PECR: variants seen among roughly 807,000 people sequenced by gnomAD.
PECR encodes the protein peroxisomal trans-2-enoyl-CoA reductase.
PECR carries 30 observed loss-of-function variants against 35.3 expected under a neutral mutation model. The observed-to-expected ratio is 0.85, with a 90% CI of 0.64 to 1.15. The LOEUF (loss-of-function observed/expected upper bound fraction) is 1.15. Among genes scored for constraint, PECR ranks in the 50% most tolerant of loss-of-function variants. The pLI is 0.00. For missense variants in PECR, 392 were observed against 370.8 expected, an observed-to-expected ratio of 1.06 and a Z score of -0.47; for synonymous variants, 148 against 138.9, an observed-to-expected ratio of 1.07 and a Z score of -0.46.
At chr2:216,032,766 T>C (rs1301291480) in intron 7 of PECR, 1 of 152,246 alleles carries the variant, frequency 6.6e-6, no homozygotes, top group Non-Finnish European at 1.5e-5. Flanking sequence ...GGCTCAATAA[T>C]TGCTAGTTTT....
intron 1 of PECR, among the ~76,000 whole-genome samples, chr2:216,072,583 C>T (rs894082446): frequency 4.6e-5 from 7 of 152,078 alleles, no homozygotes; most frequent in Non-Finnish European, 1.0e-4. Flanking sequence ...TCCATGTGTA[C>T]CCACTCTTTA....
At position 216,058,930 on chromosome 2, in the gene PECR, G is replaced by A. The variant is rs1457206220; in HGVS notation, c.471C>T (p.Ile157=). ...GAAATCCAGCTTTAGTAGGGACAAT[G>A]ATATTGACGATAGATCCTCCATGCT... ...MKEHGGSIVN[I]IVPTKAGFPL... The change falls in exon 4 of 8, where the codon ATC becomes ATT. Residue 157 remains isoleucine, a synonymous_variant. Coordinates refer to ENST00000265322, the MANE Select transcript of PECR (RefSeq NM_018441.6). 1 of 1,608,258 alleles carries A rather than the reference G, an allele frequency of 6.2e-7. No individual in the cohort carries two copies. The highest frequency in any genetic ancestry group is 2.2e-5 in the East Asian group (1 of 44,856).
chr2:216,069,751 C>T (rs531347590), intron 1 of PECR, among the ~76,000 whole-genome samples: 1 of 152,150 alleles, frequency 6.6e-6, no homozygotes, highest in Admixed American at 6.5e-5. Flanking sequence ...GCTTGACCAA[C>T]ATGGCAAAAC....
chr2:216,031,692 A>AAAGAAG (rs200296903), intron 7 of PECR, among the ~76,000 whole-genome samples: 1 of 19,180 alleles, frequency 5.2e-5, no homozygotes, highest in Non-Finnish European at 1.0e-4. Flanking sequence ...AGAAAGAAAG[A>AAAGAAG]GAAAGAAAGA....
At chr2:216,068,594 G>C (rs555248043) in intron 1 of PECR, among the ~76,000 whole-genome samples, 2 of 152,232 alleles carry the variant, frequency 1.3e-5, no homozygotes, top group East Asian at 3.9e-4. Flanking sequence ...AATGATGCCA[G>C]ATAAAAATCT....
intron 6 of PECR, among the ~76,000 whole-genome samples, chr2:216,047,577 ATCTGT>A (rs1276994581): frequency 6.6e-6 from 1 of 152,174 alleles, no homozygotes; most frequent in Admixed American, 6.5e-5. Context: ...CAATTCAAGA[ATCTGT>A]TCTGTTCTAC....
Position 216,066,494 on chromosome 2 carries a change from C to T in PECR, c.149G>A (p.Arg50His), listed in dbSNP as rs143524258. 2.9e-5 allele frequency: 47 copies of T among 1,613,840 alleles called. 1 individual carries two copies. The African/African-American group carries it at 4.7e-4, about 16-fold the overall frequency. ...ELGSNVVIAS[R>H]KLERLKSAAD... ...CGCAGACTTCAATCTCTCCAACTTA[C>T]GGGATGCAATGACCACATTACTCCC... Residue 50 changes from arginine (R) to histidine (H), a missense_variant, in exon 2 of 8, where the codon CGT (arginine) becomes CAT (histidine). Physicochemically the swap from Arg to His is conservative, Grantham distance 29 (BLOSUM62 0). Coordinates refer to ENST00000265322, the MANE Select transcript of PECR (RefSeq NM_018441.6).
intron 6 of PECR, among the ~76,000 whole-genome samples, chr2:216,045,991 G>A (rs1375647098): frequency 3.9e-5 from 6 of 151,958 alleles, no homozygotes; most frequent in Non-Finnish European, 8.8e-5. Context: ...AGCATGGCCA[G>A]CTTAGTGAAA....
chr2:216,078,414 T>C (rs1695756113), intron 1 of PECR, among the ~76,000 whole-genome samples: 2 of 151,992 alleles, frequency 1.3e-5, no homozygotes, highest in Admixed American at 1.3e-4. Flanking sequence ...GGATGGATCA[T>C]AAGGTCAGGA....
intron 6 of PECR, among the ~76,000 whole-genome samples, chr2:216,048,265 C>T (rs879279953): frequency 2.8e-4 from 42 of 150,620 alleles, no homozygotes; most frequent in Non-Finnish European, 4.9e-4. Flanking sequence ...TTAGTAGAGG[C>T]GGGGTTTCAC....
At chr2:216,080,794 A>G (rs1179652753) in intron 1 of PECR, among the ~76,000 whole-genome samples, 1 of 152,168 alleles carries the variant, frequency 6.6e-6, no homozygotes, top group Non-Finnish European at 1.5e-5. Context: ...CTTAGTCCAT[A>G]CCATTAGTCT....
intron 7 of PECR, among the ~76,000 whole-genome samples, chr2:216,041,033 T>C (rs1312174877): frequency 6.6e-6 from 1 of 152,200 alleles, no homozygotes. Context: ...CAAGTTTCCA[T>C]CTTAGGCATT....
intron 4 of PECR, chr2:216,057,946 G>A (rs953193834): frequency 1.3e-5 from 2 of 152,178 alleles, no homozygotes; most frequent in Admixed American, 1.3e-4. Context: ...AACAGCTAGA[G>A]TGTTGACCTG....
chr2:216,039,261 C>G lies in PECR; in HGVS notation c.*14G>C, dbSNP rs1370842257. The G allele has an allele frequency of 2.0e-6, 3 of 1,464,890 alleles. No homozygotes were observed. The African/African-American group carries it at 4.2e-5, about 20-fold the overall frequency. 90.7% of individuals were successfully genotyped at this position (1,464,890 alleles called of 1,614,324 possible). A position where few individuals can be genotyped will look rare whatever the true frequency, so the allele number is the denominator to read the frequency against. ...GAAGGCACTGGGGGATGGAGGACAC[C>G]TTGTTTCCTCAGCTCAGAGCTTAGC... On this transcript the variant is annotated 3_prime_UTR_variant, in exon 8 of 8. Transcript: ENST00000265322.
chr2:216,042,378 G>A (rs1574675642), intron 7 of PECR, among the ~76,000 whole-genome samples: 2 of 152,134 alleles, frequency 1.3e-5, no homozygotes, highest in Admixed American at 1.3e-4. Flanking sequence ...ACGCAAAAAA[G>A]GCCTTAAGCC....
intron 7 of PECR, among the ~76,000 whole-genome samples, chr2:216,031,699 A>AAGAGAGAGAGAG: frequency 7.8e-6 from 1 of 127,616 alleles, no homozygotes; most frequent in African/African-American, 2.8e-5. Context: ...AAGAGAAAGA[A>AAGAGAGAGAGAG]AGAAAGAAAG....
intron 7 of PECR, among the ~76,000 whole-genome samples, chr2:216,031,647 A>AAAAGAAAG (rs200929112): frequency 0.071 from 6,979 of 97,806 alleles, 336 homozygotes; most frequent in Middle Eastern, 0.15. Context: ...AAGGAAGAAG[A>AAAAGAAAG]AAAGAAAGAA....
intron 5 of PECR, chr2:216,050,851 A>G (rs920505319): frequency 6.7e-6 from 1 of 149,142 alleles, no homozygotes; most frequent in African/African-American, 2.5e-5. Flanking sequence ...CAGTGAGCCA[A>G]GATCACGCCA....
At chr2:216,031,757 C>A (rs189113870) in intron 7 of PECR, among the ~76,000 whole-genome samples, 1 of 151,512 alleles carries the variant, frequency 6.6e-6, no homozygotes, top group African/African-American at 2.4e-5. Context: ...TACCCCAATT[C>A]CCCTAATGTC....
Sources: allele counts gnomAD v4.1 joint callset (sites outside exome capture counted in the v4.1 genomes callset), GRCh38; gene constraint gnomAD v4.1.1; transcripts MANE v1.5; gene names NCBI Gene and HGNC (gene_info 2026-07-23, HGNC 2026-07-21).